PGAP4: variants seen among roughly 807,000 people sequenced by gnomAD.
PGAP4 encodes GPI-N-acetylgalactosamine transferase PGAP4.
Under a neutral mutation model 28.2 loss-of-function variants are expected in PGAP4, and 12 were observed. The ratio of observed to expected loss-of-function variants is 0.42; its 90% confidence interval spans 0.27 to 0.69. The LOEUF is 0.69. PGAP4 is among the 30% of genes least tolerant of loss of function. The pLI is 0.22. For synonymous variants in PGAP4, 205 were observed against 211.8 expected, an observed-to-expected ratio of 0.97 and a Z score of 0.28; for missense variants, 425 against 513.5, an observed-to-expected ratio of 0.83 and a Z score of 1.67.
At chr9:101,524,906 G>A (rs550545689) in intron 2 of PGAP4, among the ~76,000 whole-genome samples, 3 of 152,258 alleles carry the variant, frequency 2.0e-5, no homozygotes, top group Admixed American at 1.3e-4. Flanking sequence ...TCTTGTAGTC[G>A]ATCTGGAGCT....
In PGAP4 at chr9:101,475,929, G is replaced by A. The variant is rs772263791; in HGVS notation, c.1164C>T (p.Ile388=). 39 of 1,614,228 alleles carry A rather than the reference G, an allele frequency of 2.4e-5. No homozygotes were observed. The highest frequency in any genetic ancestry group is 3.3e-5 in the Admixed American group (2 of 60,034). Residue 388 remains isoleucine, a synonymous_variant, in exon 2 of 2, where the codon ATC becomes ATT. Coordinates refer to ENST00000374848, the MANE Select transcript of PGAP4 (RefSeq NM_032342.3). ...TGTACCGGAGACTGGAGAAGAGCCC[G>A]ATGTGTTTCACGAGGTTCGGCTCCA... ...YVVEPNLVKH[I]GLFSSLRYNF... is the part of the protein sequence containing the mutation.
chr9:101,496,072 G>A (rs192441143), intron 2 of PGAP4, among the ~76,000 whole-genome samples: 17 of 151,306 alleles, frequency 1.1e-4, no homozygotes, highest in African/African-American at 4.1e-4. Context: ...CTAACAGCAT[G>A]GAAAGTTTTG....
chr9:101,501,685 A>G (rs1588206301), intron 2 of PGAP4: 1 of 518,244 alleles, frequency 1.9e-6, no homozygotes, highest in South Asian at 1.4e-5. Flanking sequence ...TGTAATCCAC[A>G]TTCACTGAGT....
intron 1 of PGAP4, among the ~76,000 whole-genome samples, chr9:101,478,111 T>C (rs1426697708): frequency 6.6e-6 from 1 of 152,200 alleles, no homozygotes; most frequent in Non-Finnish European, 1.5e-5. Flanking sequence ...AGCTCTAAAA[T>C]GGAAATAATA....
intron 2 of PGAP4, among the ~76,000 whole-genome samples, chr9:101,494,964 T>C (rs1564097533): frequency 6.7e-6 from 1 of 149,716 alleles, no homozygotes; most frequent in African/African-American, 2.4e-5. Context: ...AAGATTAATA[T>C]AACAAACAAA....
chr9:101,483,445 G>A (rs1826541310), intron 1 of PGAP4, among the ~76,000 whole-genome samples: 1 of 151,906 alleles, frequency 6.6e-6, no homozygotes, highest in African/African-American at 2.4e-5. Context: ...TTTTAAGCAG[G>A]GTGGCAAAAC....
At chr9:101,531,803 A>C (rs981266618) in intron 1 of PGAP4, among the ~76,000 whole-genome samples, 12 of 152,346 alleles carry the variant, frequency 7.9e-5, no homozygotes, top group African/African-American at 2.9e-4. Context: ...TAGATCACCA[A>C]TAATGTCCAC....
At chr9:101,510,166 G>A (rs543028754) in intron 2 of PGAP4, among the ~76,000 whole-genome samples, 2 of 152,058 alleles carry the variant, frequency 1.3e-5, no homozygotes, top group African/African-American at 2.4e-5. Flanking sequence ...TCTAGTTATG[G>A]TGCTAGGTGA....
At chr9:101,488,224 C>T (rs1826652316), upstream of PGAP4, among the ~76,000 whole-genome samples, 1 of 152,006 alleles carries the variant, frequency 6.6e-6, no homozygotes, top group South Asian at 2.1e-4. Flanking sequence ...GGATCCTTCA[C>T]TCAAGGAATT....
chr9:101,477,835 TAAGC>T (rs1227601063), intron 1 of PGAP4, among the ~76,000 whole-genome samples: 2 of 151,940 alleles, frequency 1.3e-5, no homozygotes, highest in East Asian at 3.9e-4. Context: ...GTATTTCCCA[TAAGC>T]AAGCAAACTC....
intron 2 of PGAP4, among the ~76,000 whole-genome samples, chr9:101,493,492 A>AT (rs1181294570): frequency 2.1e-4 from 32 of 151,836 alleles, no homozygotes; most frequent in Admixed American, 2.1e-3. Flanking sequence ...TATGTAAAAT[A>AT]TTTTTTTTCA....
At chr9:101,504,912 T>C (rs1357541774) in intron 2 of PGAP4, among the ~76,000 whole-genome samples, 1 of 152,060 alleles carries the variant, frequency 6.6e-6, no homozygotes, top group African/African-American at 2.4e-5. Flanking sequence ...CAGTGGACCC[T>C]GTCACCTACA....
chr9:101,493,983 T>C (rs960512084), intron 2 of PGAP4, among the ~76,000 whole-genome samples: 23 of 152,074 alleles, frequency 1.5e-4, no homozygotes, highest in Non-Finnish European at 5.9e-5. Flanking sequence ...CATAGGGTTT[T>C]TTTAAAGAAA....
chr9:101,524,723 C>A (rs948890407), intron 2 of PGAP4, among the ~76,000 whole-genome samples: 4 of 152,190 alleles, frequency 2.6e-5, no homozygotes, highest in Non-Finnish European at 4.4e-5. Context: ...AAACTTCTTC[C>A]ACAAACAGAC....
In PGAP4 at chr9:101,486,401, C is replaced by T. The variant is rs1036690824; in HGVS notation, c.-78+548G>A. Among the ~76,000 whole-genome samples, 1 of 152,194 alleles carries T rather than the reference C, an allele frequency of 6.6e-6. No individual in the cohort carries two copies. The highest frequency in any genetic ancestry group is 1.5e-5 in the Non-Finnish European group (1 of 68,034). Reference sequence around the variant, plus strand: ...CTCTGCCCAGTCGCCCTCCCCCAGCCCTTGGCTGCGAGGTCGCCCGCAGAA... The same window carrying T: ...CTCTGCCCAGTCGCCCTCCCCCAGCTCTTGGCTGCGAGGTCGCCCGCAGAA... On this transcript the variant is annotated intron_variant, in intron 1 of 1. Transcript: ENST00000374848. The surrounding 1 kb of genome is among the most constrained non-coding windows in gnomAD (Gnocchi z 4.7).
intron 2 of PGAP4, among the ~76,000 whole-genome samples, chr9:101,494,399 C>T (rs1826717968): frequency 6.6e-6 from 1 of 151,804 alleles, no homozygotes; most frequent in South Asian, 2.1e-4. Flanking sequence ...CCCAAGTTCT[C>T]ATAAACTACA....
rs1232980946 is a variant in PGAP4 at position 101,486,792 on chromosome 9, C to T, written c.-78+157G>A. Among the ~76,000 whole-genome samples, 4 of 152,216 alleles carry T rather than the reference C, an allele frequency of 2.6e-5. No individual in the cohort carries two copies. The highest frequency in any genetic ancestry group is 5.9e-5 in the Non-Finnish European group (4 of 68,032). The stretch of plus-strand genomic sequence containing the variant: ...ACCCGCCTGCCCGAGGCGCACTGCC[C>T]GGGGCACAGGCCCTCTGCGATGACT... On this transcript the variant is annotated intron_variant, in intron 1 of 1. Transcript: ENST00000374848. The surrounding 1 kb of genome is among the most constrained non-coding windows in gnomAD (Gnocchi z 4.7).
chr9:101,481,251 A>G (rs557853968), intron 1 of PGAP4: 2 of 152,356 alleles, frequency 1.3e-5, no homozygotes, highest in South Asian at 2.1e-4. Flanking sequence ...ATATAAAAAC[A>G]TAGGATTTTT....
In PGAP4 at chr9:101,486,084, C is replaced by T. The variant is rs1466844235; in HGVS notation, c.-78+865G>A. On this transcript the variant is annotated intron_variant, in intron 1 of 1. Transcript: ENST00000374848. The surrounding 1 kb of genome is among the most constrained non-coding windows in gnomAD (Gnocchi z 4.7). ...GCAGAGGATGCGGGTCACAACGACC[C>T]TGCAGGAGCTCACGCCCCAAGACAC... Among the ~76,000 whole-genome samples the T allele has an allele frequency of 6.6e-6, 1 of 152,216 alleles. No individual in the cohort carries two copies. Among genetic ancestry groups the T allele is most frequent in the Admixed American group, 6.5e-5 (1 of 15,286 alleles).
Sources: allele counts gnomAD v4.1 joint callset (sites outside exome capture counted in the v4.1 genomes callset), GRCh38; gene constraint gnomAD v4.1.1; non-coding constraint Gnocchi (gnomAD v3.1); transcripts MANE v1.5; gene names NCBI Gene and HGNC (gene_info 2026-07-23, HGNC 2026-07-21).